The following ZNF567 variants were observed in gnomAD, a reference collection of about 807,000 sequenced individuals.
ZNF567 encodes zinc finger protein 567.
ZNF567 carries 36 observed loss-of-function variants against 53.9 expected under a neutral mutation model. The ratio of observed to expected loss-of-function variants is 0.67; its 90% CI spans 0.51 to 0.88. The LOEUF (loss-of-function observed/expected upper bound fraction) is 0.88. ZNF567 is among the 40% of genes least tolerant of loss of function. The pLI is 0.00. For missense variants in ZNF567, 619 were observed against 764.7 expected, an observed-to-expected ratio of 0.81 and a Z score of 2.25; for synonymous variants, 224 against 260.4, an observed-to-expected ratio of 0.86 and a Z score of 1.35.
the ZNF567 span, among the ~76,000 whole-genome samples, chr19:36,680,953 C>A: frequency 6.6e-6 from 1 of 152,218 alleles, no homozygotes; most frequent in Non-Finnish European, 1.5e-5. Context: ...AATTTAATTT[C>A]ATCTGCAAAG....
downstream of ZNF567, among the ~76,000 whole-genome samples, chr19:36,724,801 T>C (rs566317336): frequency 2.6e-5 from 4 of 152,024 alleles, no homozygotes; most frequent in Non-Finnish European, 5.9e-5. Flanking sequence ...TGAGCTGTGA[T>C]TGTGCCACTG....
Position 36,695,002 on chromosome 19 carries a change from C to T in ZNF567, c.9+126C>T. On this transcript the variant is annotated intron_variant, in intron 3 of 5. Transcript: ENST00000682579. ...TCTTTCCCTTCAGAAAACTGGTCCT[C>T]ACTTCTTCCCATATTGGTCAGATAA... 2.9e-6 allele frequency: 3 copies of T among 1,021,846 alleles called. No individual in the cohort carries two copies. In the South Asian group the frequency reaches 5.0e-5, roughly 17 times the overall value. The allele number at this position is 1,021,846 out of a possible 1,614,324, so 63.3% of individuals were successfully genotyped here.
In ZNF567 at chr19:36,712,756, C is replaced by G. The variant is rs745393734; in HGVS notation, c.137-25C>G. On this transcript the variant is annotated intron_variant, in intron 4 of 5. Coordinates refer to ENST00000682579, the MANE Select transcript of ZNF567 (RefSeq NM_001322917.1). Reference sequence around the variant, plus strand: ...TTCAGTGGTATTATAGCCCAATCAACTTAAGTCTTTTTTTCACTTTTCAGG... The same window carrying G: ...TTCAGTGGTATTATAGCCCAATCAAGTTAAGTCTTTTTTTCACTTTTCAGG... 4.4e-6 allele frequency: 7 copies of G among 1,605,778 alleles called. No individual in the cohort carries two copies. In the Admixed American group the frequency reaches 6.8e-5, roughly 16 times the overall value.
the ZNF567 span, among the ~76,000 whole-genome samples, chr19:36,670,881 C>T: frequency 1.3e-5 from 2 of 152,126 alleles, no homozygotes; most frequent in Non-Finnish European, 2.9e-5. Context: ...GCATGTGGAT[C>T]ATCTGAGGTC....
intron 2 of ZNF567, among the ~76,000 whole-genome samples, chr19:36,691,068 G>A (rs1028077660): frequency 2.6e-5 from 4 of 152,220 alleles, no homozygotes; most frequent in Non-Finnish European, 5.9e-5. Flanking sequence ...CAGTGCCACT[G>A]AGGAGTATTA....
chr19:36,684,361 CTACTAATTT>C (rs1484301347), upstream of ZNF567, among the ~76,000 whole-genome samples: 7 of 151,938 alleles, frequency 4.6e-5, no homozygotes, highest in African/African-American at 1.7e-4. Context: ...AATTAAGAAT[CTACTAATTT>C]TACAATGAGA....
At chr19:36,670,752 C>T in the ZNF567 span, among the ~76,000 whole-genome samples, 1 of 152,166 alleles carries the variant, frequency 6.6e-6, no homozygotes, top group Non-Finnish European at 1.5e-5. Context: ...ATCAGCTCTC[C>T]AGACACATAT....
downstream of ZNF567, among the ~76,000 whole-genome samples, chr19:36,724,692 A>AAT (rs1275153918): frequency 6.6e-6 from 1 of 151,022 alleles, no homozygotes; most frequent in East Asian, 2.0e-4. Context: ...AAAAAAAAAA[A>AAT]AAAAAATTAG....
intron 2 of ZNF567, among the ~76,000 whole-genome samples, chr19:36,692,797 A>G (rs1349777248): frequency 1.3e-5 from 2 of 152,168 alleles, no homozygotes; most frequent in South Asian, 2.1e-4. Flanking sequence ...GTGGATCTAT[A>G]ATCATTTCAA....
chr19:36,688,798 C>T (rs1412512438), intron 1 of ZNF567, among the ~76,000 whole-genome samples: 2 of 123,970 alleles, frequency 1.6e-5, no homozygotes, highest in African/African-American at 3.3e-5. Context: ...CAGAGCAAGA[C>T]TCCGTCTCAA....
chr19:36,680,928 C>T, the ZNF567 span, among the ~76,000 whole-genome samples: 1 of 152,292 alleles, frequency 6.6e-6, no homozygotes, highest in African/African-American at 2.4e-5. Context: ...ATGAACTACT[C>T]ATCTCAAACT....
rs550518332 is a variant in ZNF567, at chr19:36,706,277, T to C, written c.10-6109T>C. Among the ~76,000 whole-genome samples the C allele has an allele frequency of 1.1e-4, 16 of 152,298 alleles. No individual in the cohort carries two copies. In the South Asian group the frequency reaches 2.9e-3, roughly 28 times the overall value. ...GGCCCTACTTCGTAATACTATCACA[T>C]TGGCAACACCTGAACGTTGTTTGGT... On this transcript the variant is annotated intron_variant, in intron 3 of 5. Coordinates refer to ENST00000682579, the MANE Select transcript of ZNF567 (RefSeq NM_001322917.1).
In ZNF567 at chr19:36,720,179, C is replaced by G. The variant is rs1404112659; in HGVS notation, c.1455C>G (p.Ala485=). 1 of 1,613,430 alleles carries G rather than the reference C, an allele frequency of 6.2e-7. No homozygotes were observed. The highest frequency in any genetic ancestry group is 8.5e-7 in the Non-Finnish European group (1 of 1,179,892). ...ATGAATGTCCTCACTGTGGGAAGGC[C>G]TTTAGAATGAAGTCATACCTCATTG... ...KSYECPHCGK[A]FRMKSYLIDH... The change falls in exon 6 of 6, where the codon GCC becomes GCG. Residue 485 remains alanine, a synonymous_variant. Coordinates refer to ENST00000682579, the MANE Select transcript of ZNF567 (RefSeq NM_001322917.1).
Position 36,704,440 on chromosome 19 carries a change from A to G in ZNF567, c.10-7946A>G, listed in dbSNP as rs760483942. 1.2e-3 allele frequency among the ~76,000 whole-genome samples: 179 copies of G among 152,250 alleles called. No homozygotes were observed. In the Middle Eastern group the frequency reaches 0.017, roughly 15 times the overall value. ...TCCATCTCAAAACAAAACAAAAAAC[A>G]AAAAAAGTGTTTCTTCATCTATTGG... On this transcript the variant is annotated intron_variant, in intron 3 of 5. Coordinates refer to ENST00000682579, the MANE Select transcript of ZNF567 (RefSeq NM_001322917.1).
intron 5 of ZNF567, among the ~76,000 whole-genome samples, chr19:36,715,490 TAA>T (rs1371205944): frequency 9.1e-5 from 8 of 87,798 alleles, no homozygotes; most frequent in Non-Finnish European, 1.3e-4. Flanking sequence ...ATAATAATAA[TAA>T]TAATAATAAT....
chr19:36,726,795 C>T (rs923512039), downstream of ZNF567, among the ~76,000 whole-genome samples: 8 of 152,108 alleles, frequency 5.3e-5, no homozygotes, highest in Non-Finnish European at 7.4e-5. Flanking sequence ...AGGGGCCCTA[C>T]GTAATTCCAT....
chr19:36,669,859 A>G, the ZNF567 span, among the ~76,000 whole-genome samples: 102,222 of 151,970 alleles, frequency 0.67, 34,716 homozygotes, highest in East Asian at 0.82. Flanking sequence ...ATCAAGTTAT[A>G]CTTTTGTTCA....
rs561605580 is a variant in ZNF567, at chr19:36,707,912, G to A, written c.10-4474G>A. Among the ~76,000 whole-genome samples, 18 of 151,788 alleles carry A rather than the reference G, an allele frequency of 1.2e-4. No homozygotes were observed. The East Asian group carries it at 2.5e-3, about 21-fold the overall frequency. Reference sequence around the variant, plus strand: ...TCCTGTTTTAACATCCTTGTTTTTCGTTTGTTTGTTTGAGACTCTGTTGCC... The same window carrying A: ...TCCTGTTTTAACATCCTTGTTTTTCATTTGTTTGTTTGAGACTCTGTTGCC... On this transcript the variant is annotated intron_variant, in intron 3 of 5. Coordinates refer to ENST00000682579, the MANE Select transcript of ZNF567 (RefSeq NM_001322917.1).
At position 36,719,443 on chromosome 19, in the gene ZNF567, A is replaced by G. The variant is rs1273393796; in HGVS notation, c.719A>G (p.Tyr240Cys). The change falls in exon 6 of 6, where the codon TAT becomes TGT. Residue 240 changes from tyrosine to cysteine, a missense_variant. Coordinates refer to ENST00000682579, the MANE Select transcript of ZNF567 (RefSeq NM_001322917.1). Reference protein sequence around the residue: ...RPYKGENPSVYNKKRRATNIE... With the variant: ...RPYKGENPSVCNKKRRATNIE... ...TACAAAGGAGAAAACCCATCTGTAT[A>G]TAATAAAAAAAGAAGAGCAACCAAT... The G allele has an allele frequency of 1.9e-6, 3 of 1,611,598 alleles. No individual in the cohort carries two copies. Among genetic ancestry groups the G allele is most frequent in the African/African-American group, 1.3e-5 (1 of 74,792 alleles).
Sources: allele counts gnomAD v4.1 joint callset (sites outside exome capture counted in the v4.1 genomes callset), GRCh38; gene constraint gnomAD v4.1.1; transcripts MANE v1.5; gene names NCBI Gene and HGNC (gene_info 2026-07-23, HGNC 2026-07-21).